Variants in RCBTB1 observed in about 807,000 individuals in gnomAD.
The protein encoded by RCBTB1 is RCC1 and BTB domain-containing protein 1.
A neutral mutation model predicts 62.4 loss-of-function variants in RCBTB1; 46 were observed. That is an observed-to-expected ratio of 0.74 (90% confidence interval 0.58 to 0.94). The LOEUF is 0.94. Ranked by LOEUF, RCBTB1 falls within the 40% of genes least tolerant of loss-of-function variation. The pLI, the probability that RCBTB1 is intolerant of heterozygous loss-of-function variation, is 0.00. For missense variants in RCBTB1, 565 were observed against 654.9 expected (o/e 0.86, Z 1.50); for synonymous variants, 222 against 245.8 (o/e 0.90, Z 0.91).
intron 5 of RCBTB1, 57 bp downstream of exon 5, chr13:49,559,859 TAA>T (rs1962286803): frequency 2.0e-6 from 3 of 1,497,292 alleles, no homozygotes; most frequent in Admixed American, 4.0e-5. Flanking sequence ...AATTTTATGT[TAA>T]GTGTATTTAC....
At chr13:49,543,702 CT>C (rs201207676) in intron 10 of RCBTB1, among the ~76,000 whole-genome samples, 1 of 151,606 alleles carries the variant, frequency 6.6e-6, no homozygotes, top group African/African-American at 2.4e-5. Context: ...ATCTTAAAAA[CT>C]TTTTTTTTCA....
Position 49,540,889 on chromosome 13 carries a change from C to T in RCBTB1, c.1442G>A (p.Arg481Lys). 1 of 1,613,794 alleles carries T rather than the reference C, an allele frequency of 6.2e-7. No homozygotes were observed. The highest frequency in any genetic ancestry group is 8.5e-7 in the Non-Finnish European group (1 of 1,179,946). Reference protein sequence around the residue: ...NAFSLFSAAVRYDAEDLEEFC... With the variant: ...NAFSLFSAAVKYDAEDLEEFC... ...TGTTTAAGTTACCTCTGCATCATAT[C>T]TGACTGCAGCAGAGAATAGCGAAAA... Residue 481 changes from arginine (R) to lysine (K), a missense_variant, in exon 12 of 13, where the codon AGA becomes AAA. By Grantham distance (26) the Arg-to-Lys change is conservative. Coordinates refer to ENST00000378302, the MANE Select transcript of RCBTB1 (RefSeq NM_018191.4).
In RCBTB1 at chr13:49,534,049, C is replaced by G; in HGVS notation, c.*73G>C. 6.7e-7 allele frequency: 1 copy of G among 1,490,052 alleles called. No individual in the cohort carries two copies. The highest frequency in any genetic ancestry group is 9.1e-7 in the Non-Finnish European group (1 of 1,098,812). The allele number at this position is 1,490,052 out of a possible 1,614,324, so 92.3% of individuals were successfully genotyped here. On this transcript the variant is annotated 3_prime_UTR_variant, in exon 13 of 13. Coordinates refer to ENST00000378302, the MANE Select transcript of RCBTB1 (RefSeq NM_018191.4). The stretch of plus-strand genomic sequence containing the variant: ...TCTTTTACCTGCAGAATCACATCAC[C>G]CGTAGAGCACAAACTGGACACATCC...
intron 6 of RCBTB1, among the ~76,000 whole-genome samples, chr13:49,554,172 T>C (rs1047490387): frequency 1.2e-4 from 18 of 152,136 alleles, no homozygotes; most frequent in Non-Finnish European, 2.5e-4. Flanking sequence ...CATCCCATTT[T>C]TTTAAAAAAA....
Position 49,566,704 on chromosome 13 carries a change from A to C in RCBTB1, c.191T>G (p.Val64Gly). 6.2e-7 allele frequency: 1 copy of C among 1,614,124 alleles called. No individual in the cohort carries two copies. The highest frequency in any genetic ancestry group is 8.5e-7 in the Non-Finnish European group (1 of 1,179,940). ...LGTGDNQSTL[V>G]PKKLEGLCGK... The stretch of plus-strand genomic sequence containing the variant: ...ACATAAGCCTTCTAGCTTTTTGGGT[A>C]CAAGTGTACTCTGGTTATCTCCAGT... The change falls in exon 4 of 13, where the codon GTA (valine) becomes GGA (glycine). Residue 64 changes from valine (V) to glycine (G), a missense_variant. Physicochemically the swap from Val to Gly is moderately radical, Grantham distance 109 (BLOSUM62 -3). Coordinates refer to ENST00000378302, the MANE Select transcript of RCBTB1 (RefSeq NM_018191.4).
Position 49,567,260 on chromosome 13 carries a change from C to T in RCBTB1, c.20G>A (p.Trp7Ter). The change falls in exon 3 of 13, where the codon TGG becomes TAG. Residue 7 changes from tryptophan to a stop codon, truncating the protein, a stop_gained. Transcript: ENST00000378302. LOFTEE classifies it high-confidence loss of function. MVDVGK[W>*]PIFTLLSPQE... ...AGGGGAGAGTAGAGTGAAGATGGGC[C>T]ACTTTCCGACATCCACCATGACTCT... 6.2e-7 allele frequency: 1 copy of T among 1,613,958 alleles called. No homozygotes were observed. The highest frequency in any genetic ancestry group is 8.5e-7 in the Non-Finnish European group (1 of 1,179,982).
intron 4 of RCBTB1, among the ~76,000 whole-genome samples, chr13:49,565,728 GC>G (rs1226025984): frequency 1.3e-5 from 2 of 151,520 alleles, no homozygotes; most frequent in African/African-American, 4.9e-5. Context: ...GAAGTGAGGA[GC>G]CCCTCTGCCC....
chr13:49,581,425 A>G (rs1964090257), intron 1 of RCBTB1, among the ~76,000 whole-genome samples: 1 of 152,244 alleles, frequency 6.6e-6, no homozygotes, highest in Non-Finnish European at 1.5e-5. Context: ...CACTCACTAC[A>G]GCAGAAAGCA....
intron 2 of RCBTB1, among the ~76,000 whole-genome samples, chr13:49,577,123 G>T (rs531345011): frequency 6.6e-6 from 1 of 152,276 alleles, no homozygotes; most frequent in East Asian, 1.9e-4. Flanking sequence ...GGAAGAAAAG[G>T]TTATTTTACT....
At chr13:49,546,711 T>C (rs1224213549) in intron 9 of RCBTB1, among the ~76,000 whole-genome samples, 1 of 152,140 alleles carries the variant, frequency 6.6e-6, no homozygotes, top group South Asian at 2.1e-4. Context: ...CAGTTCACAA[T>C]AGGGCTTACG....
Position 49,533,432 on chromosome 13 carries a change from C to A in RCBTB1, c.*690G>T, listed in dbSNP as rs1959698809. 6.6e-6 allele frequency: 1 copy of A among 152,130 alleles called. No homozygotes were observed. Among genetic ancestry groups the A allele is most frequent in the Admixed American group, 6.6e-5 (1 of 15,264 alleles). 9.4% of individuals were successfully genotyped at this position (152,130 alleles called of 1,614,324 possible). A position where few individuals can be genotyped will look rare whatever the true frequency, so the allele number is the denominator to read the frequency against. On this transcript the variant is annotated 3_prime_UTR_variant, in exon 13 of 13. Transcript: ENST00000378302. The stretch of plus-strand genomic sequence containing the variant: ...TTTCATTATCAACTTTTCACGGATA[C>A]TTCTAAATTACTATTCTTTATGCAC...
chr13:49,551,609 A>G, intron 7 of RCBTB1, 141 bp from the exon 8 acceptor site: 1 of 996,352 alleles, frequency 1.0e-6, no homozygotes, highest in Non-Finnish European at 1.4e-6. Flanking sequence ...ACATTAAAAA[A>G]GCATTAGAAG....
At chr13:49,546,318 TCA>T (rs71818417) in intron 9 of RCBTB1, 16,069 of 985,100 alleles carry the variant, frequency 0.016, 224 homozygotes, top group East Asian at 0.1. Context: ...TCAGATGAGA[TCA>T]CAAAGTGAGA....
At chr13:49,567,529 C>T (rs904023707) in intron 2 of RCBTB1, among the ~76,000 whole-genome samples, 1 of 152,136 alleles carries the variant, frequency 6.6e-6, no homozygotes, top group East Asian at 1.9e-4. Context: ...GAATAACGTG[C>T]AAGAACTAGC....
At chr13:49,569,407 C>T (rs539259923) in intron 2 of RCBTB1, among the ~76,000 whole-genome samples, 2 of 148,978 alleles carry the variant, frequency 1.3e-5, no homozygotes, top group Admixed American at 1.3e-4. Flanking sequence ...AACCCCATTT[C>T]TACAAAAAAT....
intron 4 of RCBTB1, among the ~76,000 whole-genome samples, chr13:49,562,913 C>A (rs977624288): frequency 2.6e-5 from 4 of 150,996 alleles, no homozygotes; most frequent in Non-Finnish European, 4.4e-5. Context: ...GCATGAGCCA[C>A]CACACACAGC....
chr13:49,564,844 T>C (rs1219294161), intron 4 of RCBTB1, among the ~76,000 whole-genome samples: 8 of 151,456 alleles, frequency 5.3e-5, no homozygotes, highest in Admixed American at 3.3e-4. Context: ...TGAGCCGAGA[T>C]TGCACCACTG....
At chr13:49,566,393 G>A (rs7325667) in intron 4 of RCBTB1, among the ~76,000 whole-genome samples, 37,135 of 152,080 alleles carry the variant, frequency 0.24, 5,856 homozygotes, top group African/African-American at 0.44. Context: ...GCTTTATGGA[G>A]GCAGTCGAAA....
chr13:49,566,479 T>C, intron 4 of RCBTB1, 139 bp downstream of exon 4: 2 of 796,206 alleles, frequency 2.5e-6, no homozygotes, highest in Non-Finnish European at 3.8e-6. Context: ...AACTTTCACC[T>C]GCTTTATGTA....
Sources: allele counts gnomAD v4.1 joint callset (sites outside exome capture counted in the v4.1 genomes callset), GRCh38; gene constraint gnomAD v4.1.1; transcripts MANE v1.5; gene names NCBI Gene and HGNC (gene_info 2026-07-23, HGNC 2026-07-21).